PCDHGA4: variants seen among roughly 807,000 people sequenced by gnomAD.
PCDHGA4 encodes protocadherin gamma-A4.
PCDHGA4 carries 38 observed loss-of-function variants against 54.6 expected under a neutral mutation model. That is an observed-to-expected ratio of 0.70 (90% CI 0.54 to 0.91). The LOEUF is 0.91. Ranked by LOEUF, PCDHGA4 falls within the 40% of genes least tolerant of loss-of-function variation. The pLI is 0.00. For missense variants in PCDHGA4, 1,298 were observed against 1,220.9 expected, an observed-to-expected ratio of 1.06 and a Z score of -0.94; for synonymous variants, 511 against 512.9, an observed-to-expected ratio of 1.00 and a Z score of 0.05.
At chr5:141,494,991 G>A in intron 2 of PCDHGA4, 126 bp downstream of exon 2, 1 of 1,551,148 alleles carries the variant, frequency 6.4e-7, no homozygotes, top group Non-Finnish European at 8.7e-7. Context: ...AGATCCCAGG[G>A]AGGTCTTGGT....
At chr5:141,366,058 G>A in intron 1 of PCDHGA4, 2 of 1,614,242 alleles carry the variant, frequency 1.2e-6, no homozygotes, top group Non-Finnish European at 1.7e-6. Context: ...CGGGCGTGGA[G>A]CTGGCGCCTC....
At chr5:141,460,580 G>A (rs1037056676) in intron 1 of PCDHGA4, among the ~76,000 whole-genome samples, 7 of 152,160 alleles carry the variant, frequency 4.6e-5, no homozygotes, top group African/African-American at 1.4e-4. Flanking sequence ...ATGTAGGTGT[G>A]GGTTTTTTCT....
chr5:141,422,175 T>G (rs2096631593), intron 1 of PCDHGA4: 1 of 1,564,276 alleles, frequency 6.4e-7, no homozygotes, highest in Non-Finnish European at 8.6e-7. Context: ...ATAGATTCTA[T>G]GAGATGGAAA....
intron 2 of PCDHGA4, among the ~76,000 whole-genome samples, chr5:141,503,423 C>T (rs1018496430): frequency 6.6e-6 from 1 of 151,752 alleles, no homozygotes; most frequent in Non-Finnish European, 1.5e-5. Context: ...GGTGAAACCC[C>T]ATCTCTACTA....
chr5:141,439,960 T>G (rs1297261423), intron 1 of PCDHGA4: 1 of 152,668 alleles, frequency 6.6e-6, no homozygotes, highest in African/African-American at 2.4e-5. Flanking sequence ...AGATCCGTTA[T>G]TCAGTCCTAG....
chr5:141,407,088 GT>G lies in PCDHGA4; in HGVS notation c.2514+49471del, dbSNP rs571130014. Among the ~76,000 whole-genome samples, 18 of 152,174 alleles carry G rather than the reference GT, an allele frequency of 1.2e-4. No individual in the cohort carries two copies. The East Asian group carries it at 3.5e-3, about 29-fold the overall frequency. On this transcript the variant is annotated intron_variant, in intron 1 of 3. Coordinates refer to ENST00000571252, the MANE Select transcript of PCDHGA4 (RefSeq NM_018917.4). ...GGCATTTCTGTGGAAATGAAGAATT[GT>G]TTTATTTGTTTGTAATTATTTGGGT...
chr5:141,422,453 G>A, intron 1 of PCDHGA4: 3 of 1,611,704 alleles, frequency 1.9e-6, no homozygotes, highest in Non-Finnish European at 2.5e-6. Context: ...ATAACAAGCA[G>A]AGTGCTGGAC....
chr5:141,419,072 G>C (rs17208397), intron 1 of PCDHGA4: 242,774 of 1,613,756 alleles, frequency 0.15, 19,855 homozygotes, highest in Non-Finnish European at 0.17. Context: ...CTACAAGCTA[G>C]TAACAGATGA....
At position 141,494,787 on chromosome 5, in the gene PCDHGA4, T is replaced by G. The variant is rs763990551; in HGVS notation, c.2515-20T>G. The G allele has an allele frequency of 6.2e-7, 1 of 1,614,044 alleles. No individual in the cohort carries two copies. Among genetic ancestry groups the G allele is most frequent in the Non-Finnish European group, 8.5e-7 (1 of 1,179,990 alleles). On this transcript the variant is annotated intron_variant, in intron 1 of 3. Transcript: ENST00000571252. ...ACTTCTCACGGGTACTCAGCCCCTT[T>G]CCCTCTGTTTTCTCCACAGCAAGCC...
chr5:141,504,583 A>G (rs1230825472), intron 2 of PCDHGA4, among the ~76,000 whole-genome samples: 1 of 146,622 alleles, frequency 6.8e-6, no homozygotes, highest in African/African-American at 2.5e-5. Flanking sequence ...CCATCTGCCC[A>G]GGATTCACAG....
At chr5:141,422,724 G>A (rs560544401) in intron 1 of PCDHGA4, 9 of 1,606,016 alleles carry the variant, frequency 5.6e-6, no homozygotes, top group East Asian at 2.2e-5. Flanking sequence ...CTGTCCAGGG[G>A]GTGCCTCTGT....
intron 1 of PCDHGA4, chr5:141,360,375 A>G (rs780377299): frequency 6.2e-7 from 1 of 1,613,872 alleles, no homozygotes; most frequent in Non-Finnish European, 8.5e-7. Context: ...TAAACCCAGA[A>G]AGCGGAGACT....
chr5:141,371,323 AAGAG>A, intron 1 of PCDHGA4: 4 of 1,614,012 alleles, frequency 2.5e-6, no homozygotes, highest in Non-Finnish European at 3.4e-6. Flanking sequence ...CTGGACTTTG[AAGAG>A]AGAGATAGCT....
chr5:141,365,797 C>T (rs376466748), intron 1 of PCDHGA4: 1 of 1,613,978 alleles, frequency 6.2e-7, no homozygotes, highest in Non-Finnish European at 8.5e-7. Context: ...GAGTCACCTA[C>T]TCCCTGGCTG....
Position 141,355,722 on chromosome 5 carries a change from A to T in PCDHGA4, c.615A>T (p.Ser205=). Residue 205 remains serine (S), a synonymous_variant, in exon 1 of 4, where the codon TCA becomes TCT. Coordinates refer to ENST00000571252, the MANE Select transcript of PCDHGA4 (RefSeq NM_018917.4). ...CCCTGCAGGGTTACCAGCTCAACTC[A>T]AACGGTTACTTTTCCCTGGACGTGC... ...VNSLQGYQLN[S]NGYFSLDVQS... 1 of 1,614,040 alleles carries T rather than the reference A, an allele frequency of 6.2e-7. No homozygotes were observed. Among genetic ancestry groups the T allele is most frequent in the Non-Finnish European group, 8.5e-7 (1 of 1,179,890 alleles).
chr5:141,423,539 T>C (rs747825176), intron 1 of PCDHGA4: 10 of 1,613,140 alleles, frequency 6.2e-6, no homozygotes, highest in Non-Finnish European at 8.5e-6. Flanking sequence ...CACCTGATTT[T>C]CCCCCAGCCC....
At chr5:141,384,184 A>T (rs1179495803) in intron 1 of PCDHGA4, 1 of 1,613,758 alleles carries the variant, frequency 6.2e-7, no homozygotes, top group Non-Finnish European at 8.5e-7. Flanking sequence ...AGATGGTGGA[A>T]CTCCTCCCTT....
rs553673516 is a variant in PCDHGA4, at chr5:141,476,211, T to C, written c.2515-18596T>C. The C allele has an allele frequency of 5.4e-5, 87 of 1,613,942 alleles. No individual in the cohort carries two copies. The highest frequency in any genetic ancestry group is 7.0e-5 in the Non-Finnish European group (83 of 1,180,000). ...GGTGCCTTGAACAAGGCTTCCACGG[T>C]CATTCACTATGAGATCCCGGAGGAA... On this transcript the variant is annotated intron_variant, in intron 1 of 3. Coordinates refer to ENST00000571252, the MANE Select transcript of PCDHGA4 (RefSeq NM_018917.4). The surrounding 1 kb of genome is among the most constrained non-coding windows in gnomAD (Gnocchi z 7.6).
rs779390477 is a variant in PCDHGA4 at position 141,419,000 on chromosome 5, G to A, written c.2514+61379G>A. ...GGACCAAGACTCAGGGGAAAATGGG[G>A]AAGTCAGGTGTAGCTTAAGTAGAGG... On this transcript the variant is annotated intron_variant, in intron 1 of 3. Transcript: ENST00000571252. 3.1e-6 allele frequency: 5 copies of A among 1,613,962 alleles called. 1 individual carries two copies. In the South Asian group the frequency reaches 4.4e-5, roughly 14 times the overall value.
Sources: allele counts gnomAD v4.1 joint callset (sites outside exome capture counted in the v4.1 genomes callset), GRCh38; gene constraint gnomAD v4.1.1; non-coding constraint Gnocchi (gnomAD v3.1); transcripts MANE v1.5; gene names NCBI Gene and HGNC (gene_info 2026-07-23, HGNC 2026-07-21).